The following NXPE2 variants were observed in gnomAD, a reference collection of about 807,000 sequenced individuals.
The protein encoded by NXPE2 is neurexophilin and PC-esterase domain family member 2, also known as NXPE family member 2.
In NXPE2, 34 loss-of-function variants were observed where a neutral mutation model predicts 34.4. The observed-to-expected ratio is 0.99, with a 90% CI of 0.75 to 1.31. NXPE2 has a LOEUF of 1.31. NXPE2 is among the 40% of genes most tolerant of loss of function. The probability of loss-of-function intolerance (pLI) is 0.00; values close to 1 mark genes in which losing one functional copy is unlikely to be tolerated. For synonymous variants in NXPE2, 235 were observed against 231.3 expected, an observed-to-expected ratio of 1.02 and a Z score of -0.15; for missense variants, 649 against 672.5, an observed-to-expected ratio of 0.97 and a Z score of 0.39.
chr11:114,639,590 G>A, the NXPE2 span, among the ~76,000 whole-genome samples: 1 of 149,678 alleles, frequency 6.7e-6, no homozygotes, highest in Non-Finnish European at 1.5e-5. Flanking sequence ...GACTGGAGCT[G>A]TTCCTATTCG....
At chr11:114,810,692 G>T in the NXPE2 span, among the ~76,000 whole-genome samples, 1 of 152,050 alleles carries the variant, frequency 6.6e-6, no homozygotes, top group African/African-American at 2.4e-5. Flanking sequence ...GAAACAACAG[G>T]TGCTGGAGAG....
the NXPE2 span, among the ~76,000 whole-genome samples, chr11:114,807,659 G>T: frequency 6.6e-6 from 1 of 151,322 alleles, no homozygotes; most frequent in African/African-American, 2.4e-5. Flanking sequence ...AAATATATAT[G>T]CAACCAATAC....
At chr11:114,477,303 C>T in the NXPE2 span, among the ~76,000 whole-genome samples, 2 of 152,032 alleles carry the variant, frequency 1.3e-5, no homozygotes, top group African/African-American at 2.4e-5. Context: ...GAGATGGTGA[C>T]TATAGTTAAT....
the NXPE2 span, among the ~76,000 whole-genome samples, chr11:114,492,408 A>G: frequency 2.0e-5 from 3 of 152,170 alleles, no homozygotes; most frequent in Non-Finnish European, 4.4e-5. Context: ...GTGGCCTAAC[A>G]TATGGTCCAT....
chr11:114,674,335 G>A (rs981940261), upstream of NXPE2, among the ~76,000 whole-genome samples: 3 of 151,680 alleles, frequency 2.0e-5, no homozygotes, highest in African/African-American at 7.3e-5. Flanking sequence ...TTCAGTAATT[G>A]TGATGTGGCT....
At chr11:114,649,102 C>T in the NXPE2 span, among the ~76,000 whole-genome samples, 2 of 151,722 alleles carry the variant, frequency 1.3e-5, no homozygotes, top group African/African-American at 4.8e-5. Flanking sequence ...ATATTCCTTT[C>T]GCCTTCAGCA....
At chr11:114,540,885 T>TTTTTTTTTTTTTTTG in the NXPE2 span, among the ~76,000 whole-genome samples, 4 of 81,242 alleles carry the variant, frequency 4.9e-5, no homozygotes, top group Non-Finnish European at 7.4e-5. Context: ...TTTTTTTTTT[T>TTTTTTTTTTTTTTTG]GGCTTGAACA....
chr11:114,626,176 A>G, the NXPE2 span, among the ~76,000 whole-genome samples: 3 of 152,150 alleles, frequency 2.0e-5, no homozygotes, highest in African/African-American at 7.2e-5. Flanking sequence ...AGCCCACCAC[A>G]GCTTAAGGAG....
chr11:114,802,901 A>AT, the NXPE2 span, among the ~76,000 whole-genome samples: 2 of 82,258 alleles, frequency 2.4e-5, no homozygotes, highest in African/African-American at 6.6e-5. Flanking sequence ...AAAAAAGATA[A>AT]TTAAAAAAAA....
chr11:114,464,403 A>G, the NXPE2 span, among the ~76,000 whole-genome samples: 3 of 152,098 alleles, frequency 2.0e-5, no homozygotes, highest in East Asian at 1.9e-4. Context: ...TCAACCTACA[A>G]TGGTTTGACT....
the NXPE2 span, chr11:114,553,865 T>C: frequency 1.0e-6 from 1 of 959,670 alleles, no homozygotes; most frequent in Middle Eastern, 5.4e-4. Context: ...TAGCTTGAAA[T>C]AGGCCATGAT....
the NXPE2 span, among the ~76,000 whole-genome samples, chr11:114,656,092 A>G: frequency 1.3e-5 from 2 of 152,152 alleles, no homozygotes; most frequent in Non-Finnish European, 1.5e-5. Flanking sequence ...TCAGGATACA[A>G]AAATCAATGT....
the NXPE2 span, among the ~76,000 whole-genome samples, chr11:114,548,134 A>T: frequency 6.6e-6 from 1 of 152,318 alleles, no homozygotes; most frequent in East Asian, 1.9e-4. Flanking sequence ...GATAATTAAA[A>T]CACAAGCAAT....
chr11:114,714,358 G>A, the NXPE2 span, among the ~76,000 whole-genome samples: 2 of 152,328 alleles, frequency 1.3e-5, no homozygotes, highest in South Asian at 4.1e-4. Flanking sequence ...TGCCTTAGCA[G>A]AGAGGTGAGT....
the NXPE2 span, among the ~76,000 whole-genome samples, chr11:114,781,916 C>T: frequency 6.6e-6 from 1 of 152,126 alleles, no homozygotes; most frequent in Non-Finnish European, 1.5e-5. Flanking sequence ...GGGAAAGGTG[C>T]TCTGACCAGG....
chr11:114,491,086 C>T, the NXPE2 span, among the ~76,000 whole-genome samples: 3 of 140,750 alleles, frequency 2.1e-5, no homozygotes, highest in Admixed American at 7.3e-5. Context: ...GGCGTGAACC[C>T]GGGAAGCAGA....
the NXPE2 span, among the ~76,000 whole-genome samples, chr11:114,557,037 C>T: frequency 1.4e-4 from 21 of 151,950 alleles, no homozygotes; most frequent in Non-Finnish European, 2.2e-4. Context: ...GGATTACAGG[C>T]GTGAGCCACC....
chr11:114,705,416 C>T (rs1056066277), intron 4 of NXPE2, among the ~76,000 whole-genome samples: 1 of 152,160 alleles, frequency 6.6e-6, no homozygotes, highest in Non-Finnish European at 1.5e-5. Flanking sequence ...AGGCCAATGT[C>T]ATTGGTGTAA....
the NXPE2 span, among the ~76,000 whole-genome samples, chr11:114,776,971 T>A: frequency 3.9e-5 from 6 of 152,236 alleles, no homozygotes; most frequent in Non-Finnish European, 7.3e-5. Context: ...GAAAACATTA[T>A]GAACTGAAAG....
Sources: gnomAD v4.1 joint callset for allele counts (sites outside exome capture counted in the v4.1 genomes callset) on GRCh38, gnomAD v4.1.1 for gene constraint, MANE v1.5 for transcripts, NCBI Gene and HGNC (gene_info 2026-07-23, HGNC 2026-07-21) for gene names.